Variants in ST14 observed in about 807,000 individuals in gnomAD.
The protein encoded by ST14 is suppressor of tumorigenicity 14 protein.
In ST14, 40 loss-of-function variants were observed where a neutral mutation model predicts 96.5. The ratio of observed to expected loss-of-function variants is 0.41; its 90% CI spans 0.32 to 0.54. The LOEUF (loss-of-function observed/expected upper bound fraction) is 0.54, where lower values mean the gene tolerates loss of function less well. Ranked by LOEUF, ST14 falls within the 20% of genes least tolerant of loss-of-function variation. The pLI, the probability that ST14 is intolerant of heterozygous loss-of-function variation, is 0.17. For missense variants in ST14, 1,066 were observed against 1,188.9 expected (o/e 0.90, Z 1.52); for synonymous variants, 506 against 492.1 (o/e 1.03, Z -0.37).
chr11:130,209,868 G>A lies in ST14; in HGVS notation c.*45G>A, dbSNP rs1409519804. On this transcript the variant is annotated 3_prime_UTR_variant, in exon 19 of 19. Coordinates refer to ENST00000278742, the MANE Select transcript of ST14 (RefSeq NM_021978.4). ...GTGTACACCTGCGGGGCCACCCATCGTCCACCCCAGTGTGCACGCCTGCAG... is the reference window on the plus strand; with the variant it reads ...GTGTACACCTGCGGGGCCACCCATCATCCACCCCAGTGTGCACGCCTGCAG... 3 of 1,606,326 alleles carry A rather than the reference G, an allele frequency of 1.9e-6. No homozygotes were observed. The highest frequency in any genetic ancestry group is 1.3e-5 in the African/African-American group (1 of 75,006).
chr11:130,204,927 C>A (rs750718379), intron 16 of ST14, among the ~76,000 whole-genome samples: 1 of 152,000 alleles, frequency 6.6e-6, no homozygotes, highest in Non-Finnish European at 1.5e-5. Context: ...GCTCCGGGGT[C>A]GGGGAGGTGC....
intron 1 of ST14, among the ~76,000 whole-genome samples, chr11:130,171,216 C>G (rs1454860281): frequency 1.3e-5 from 2 of 152,196 alleles, no homozygotes; most frequent in Non-Finnish European, 2.9e-5. Flanking sequence ...GTGATACCAT[C>G]CCATAAGTTA....
chr11:130,192,534 A>T (rs1230261159), intron 7 of ST14, among the ~76,000 whole-genome samples: 1 of 152,150 alleles, frequency 6.6e-6, no homozygotes, highest in African/African-American at 2.4e-5. Flanking sequence ...GATTACAGGC[A>T]TGCGCCACAA....
intron 1 of ST14, among the ~76,000 whole-genome samples, chr11:130,173,456 T>G (rs1390281418): frequency 2.0e-5 from 3 of 151,802 alleles, no homozygotes; most frequent in African/African-American, 7.3e-5. Flanking sequence ...ATTAGCCAGG[T>G]GTGGTGGCGG....
intron 1 of ST14, among the ~76,000 whole-genome samples, chr11:130,169,340 C>T (rs532117230): frequency 1.8e-4 from 27 of 152,154 alleles, no homozygotes; most frequent in Admixed American, 1.7e-3. Flanking sequence ...GGTGATCCAC[C>T]CGCCTTGGCC....
rs1475951998 is a variant in ST14 at position 130,181,138 on chromosome 11, C to CGGTGGTCCCTGCTGGGTGGGATGGT, written c.82-6971_82-6947dup. ...ATTTTGTCCCTGCTGGGTGGGATGG[C>CGGTGGTCCCTGCTGGGTGGGATGGT]GGTGGTCCCTGCTGGGTGGGATGGT... On this transcript the variant is annotated intron_variant, in intron 1 of 18. Transcript: ENST00000278742. This position sits in a 1 kb window ranked among gnomAD's most constrained non-coding sequence, Gnocchi z 4.1. Among the ~76,000 whole-genome samples the CGGTGGTCCCTGCTGGGTGGGATGGT allele has an allele frequency of 6.6e-6, 1 of 150,422 alleles. No individual in the cohort carries two copies. Among genetic ancestry groups the CGGTGGTCCCTGCTGGGTGGGATGGT allele is most frequent in the East Asian group, 1.9e-4 (1 of 5,134 alleles).
Position 130,175,133 on chromosome 11 carries a change from T to C in ST14, c.82-12981T>C, listed in dbSNP as rs1953124089. ...AGCGGAATGGCAAATTCATTATATC[T>C]ATCACGTGCCATCCCTAAGATAGCT... is the stretch of plus-strand genomic sequence containing the variant. On this transcript the variant is annotated intron_variant, in intron 1 of 18. Coordinates refer to ENST00000278742, the MANE Select transcript of ST14 (RefSeq NM_021978.4). 2.0e-5 allele frequency among the ~76,000 whole-genome samples: 3 copies of C among 152,188 alleles called. No individual in the cohort carries two copies. In the South Asian group the frequency reaches 6.2e-4, roughly 31 times the overall value.
At position 130,209,885 on chromosome 11, in the gene ST14, C is replaced by T; in HGVS notation, c.*62C>T. On this transcript the variant is annotated 3_prime_UTR_variant, in exon 19 of 19. Transcript: ENST00000278742. ...CACCCATCGTCCACCCCAGTGTGCA[C>T]GCCTGCAGGCTGGAGACTGGACCGC... 1.3e-6 allele frequency: 2 copies of T among 1,588,904 alleles called. No homozygotes were observed. Among genetic ancestry groups the T allele is most frequent in the Non-Finnish European group, 8.6e-7 (1 of 1,167,176 alleles).
rs113474351 is a variant in ST14, at chr11:130,191,163, C to T, written c.875+469C>T. On this transcript the variant is annotated intron_variant, in intron 7 of 18. Transcript: ENST00000278742. ...GCCAGGAGTTTGAGACTAGCCTGGG[C>T]AACAAGACTCTGCCTCTATAAAAAA... 4.1e-3 allele frequency among the ~76,000 whole-genome samples: 630 copies of T among 152,174 alleles called. 6 individuals are homozygous for T. Among genetic ancestry groups the T allele is most frequent in the African/African-American group, 0.014 (601 of 41,502 alleles).
intron 12 of ST14, 124 bp from the exon 13 acceptor site, chr11:130,198,184 A>C (rs1323276389): frequency 9.9e-7 from 1 of 1,010,904 alleles, no homozygotes; most frequent in Non-Finnish European, 1.6e-6. Context: ...CTGGTGGAGC[A>C]GGGCCCCTTG....
intron 1 of ST14, among the ~76,000 whole-genome samples, chr11:130,176,214 A>G (rs986592028): frequency 1.3e-5 from 2 of 152,028 alleles, no homozygotes; most frequent in African/African-American, 4.8e-5. Flanking sequence ...TGTGATTCTC[A>G]TAGTTATCAT....
rs769432323 is a variant in ST14, at chr11:130,198,594, G to T, written c.1657G>T (p.Gly553Trp). Residue 553 changes from glycine (G) to tryptophan (W), a missense_variant, in exon 14 of 19, where the codon GGG becomes TGG. Physicochemically the swap from Gly to Trp is radical, Grantham distance 184 (BLOSUM62 -2). Coordinates refer to ENST00000278742, the MANE Select transcript of ST14 (RefSeq NM_021978.4). ...QCNGKDDCGD[G>W]SDEASCPKVN... ...CAATGGGAAGGACGACTGTGGGGAC[G>T]GGTCCGACGAGGCCTCCTGCCCCAA... is the stretch of plus-strand genomic sequence containing the variant. 2.5e-6 allele frequency: 4 copies of T among 1,613,838 alleles called. No individual in the cohort carries two copies. The East Asian group carries it at 6.7e-5, about 27-fold the overall frequency.
intron 8 of ST14, 60 bp downstream of exon 8, chr11:130,194,348 AGT>A: frequency 6.2e-7 from 1 of 1,606,812 alleles, no homozygotes; most frequent in Non-Finnish European, 8.5e-7. Context: ...GGAAGGCCTT[AGT>A]GGGGGTGACC....
chr11:130,204,314 G>T (rs955464472), intron 16 of ST14, among the ~76,000 whole-genome samples: 2 of 152,204 alleles, frequency 1.3e-5, no homozygotes, highest in African/African-American at 4.8e-5. Context: ...AGAAGGCCTG[G>T]GTGGGTCACA....
chr11:130,188,477 C>G lies in ST14; in HGVS notation c.242-53C>G. 1 of 1,608,822 alleles carries G rather than the reference C, an allele frequency of 6.2e-7. No individual in the cohort carries two copies. Among genetic ancestry groups the G allele is most frequent in the South Asian group, 1.1e-5 (1 of 90,946 alleles). On this transcript the variant is annotated intron_variant, in intron 2 of 18. Transcript: ENST00000278742. This position sits in a 1 kb window ranked among gnomAD's most constrained non-coding sequence, Gnocchi z 5.4. Reference sequence around the variant, plus strand: ...ATTCCCCATTGTGGACGGCGAGGGACAGGCGGGGGTGGTACCACCTCCCCT... The same window carrying G: ...ATTCCCCATTGTGGACGGCGAGGGAGAGGCGGGGGTGGTACCACCTCCCCT...
At position 130,188,764 on chromosome 11, in the gene ST14, G is replaced by A; in HGVS notation, c.370-105G>A. The A allele has an allele frequency of 2.5e-6, 4 of 1,607,708 alleles. No homozygotes were observed. Among genetic ancestry groups the A allele is most frequent in the African/African-American group, 2.7e-5 (2 of 74,954 alleles). ...GTGCTCCCAGGGCCCTGGGATGGGGGTGATCTGCAAAGGGGACCCGGGCCC... is the reference window on the plus strand; with the variant it reads ...GTGCTCCCAGGGCCCTGGGATGGGGATGATCTGCAAAGGGGACCCGGGCCC... On this transcript the variant is annotated intron_variant, in intron 3 of 18. Coordinates refer to ENST00000278742, the MANE Select transcript of ST14 (RefSeq NM_021978.4). This position sits in a 1 kb window ranked among gnomAD's most constrained non-coding sequence, Gnocchi z 5.4.
chr11:130,188,162 G>T lies in ST14; in HGVS notation c.130G>T (p.Val44Phe), dbSNP rs142893442. The T allele has an allele frequency of 3.7e-6, 6 of 1,614,206 alleles. No homozygotes were observed. The highest frequency in any genetic ancestry group is 2.7e-5 in the African/African-American group (2 of 75,062). The change falls in exon 2 of 19, where the codon GTC becomes TTC. Residue 44 changes from valine (V) to phenylalanine (F), a missense_variant. Physicochemically the swap from Val to Phe is conservative, Grantham distance 50. Transcript: ENST00000278742. This position sits in a 1 kb window ranked among gnomAD's most constrained non-coding sequence, Gnocchi z 5.4. ...EGVEFLPVNN[V>F]KKVEKHGPGR... ...CGTGGAGTTCCTGCCAGTCAACAACGTCAAGAAGGTGGAAAAGCATGGCCC... is the reference window on the plus strand; with the variant it reads ...CGTGGAGTTCCTGCCAGTCAACAACTTCAAGAAGGTGGAAAAGCATGGCCC...
At chr11:130,163,785 G>A (rs79334696) in intron 1 of ST14, among the ~76,000 whole-genome samples, 3,006 of 152,262 alleles carry the variant, frequency 0.02, 81 homozygotes, top group African/African-American at 0.067. Context: ...TTTAGGAGTT[G>A]AGAAAACTGA....
chr11:130,208,160 T>C, intron 16 of ST14, among the ~76,000 whole-genome samples: 1 of 152,234 alleles, frequency 6.6e-6, no homozygotes, highest in East Asian at 1.9e-4. Flanking sequence ...TAACTAATTT[T>C]TGGTCATCAG....
Sources: allele counts gnomAD v4.1 joint callset (sites outside exome capture counted in the v4.1 genomes callset), GRCh38; gene constraint gnomAD v4.1.1; non-coding constraint Gnocchi (gnomAD v3.1); transcripts MANE v1.5; gene names NCBI Gene and HGNC (gene_info 2026-07-23, HGNC 2026-07-21).